Variants in LRP1B observed in about 807,000 individuals in gnomAD.
The protein encoded by LRP1B is low-density lipoprotein receptor-related protein 1B.
LRP1B carries 217 observed loss-of-function variants against 556.6 expected under a neutral mutation model. The ratio of observed to expected loss-of-function variants is 0.39; its 90% CI spans 0.35 to 0.44. The LOEUF (loss-of-function observed/expected upper bound fraction) is 0.44. LRP1B is among the 20% of genes least tolerant of loss of function. The pLI is 1.00. For missense variants in LRP1B, 5,053 were observed against 5,620.8 expected (o/e 0.90, Z 3.23); for synonymous variants, 2,047 against 1,865.8 (o/e 1.10, Z -2.50).
intron 20 of LRP1B, among the ~76,000 whole-genome samples, chr2:140,926,056 C>CTT (rs70991119): frequency 0.059 from 5,078 of 85,798 alleles, 127 homozygotes; most frequent in South Asian, 0.16. Flanking sequence ...TGGAGATTTT[C>CTT]TTTTTTTTTT....
chr2:140,306,388 G>A (rs1484466077), intron 83 of LRP1B, among the ~76,000 whole-genome samples: 2 of 151,424 alleles, frequency 1.3e-5, no homozygotes, highest in Non-Finnish European at 2.9e-5. Flanking sequence ...TTGGGAGGGT[G>A]TAAGTGTCCA....
At chr2:141,597,240 C>A (rs1441177057) in intron 2 of LRP1B, among the ~76,000 whole-genome samples, 1 of 151,960 alleles carries the variant, frequency 6.6e-6, no homozygotes, top group African/African-American at 2.4e-5. Flanking sequence ...TCTCTACTTT[C>A]TTGTTTCCAA....
chr2:141,326,362 A>T (rs908450693), intron 3 of LRP1B, among the ~76,000 whole-genome samples: 1 of 152,178 alleles, frequency 6.6e-6, no homozygotes, highest in Non-Finnish European at 1.5e-5. Context: ...GTATAAGTTA[A>T]CTCGATAAAG....
intron 2 of LRP1B, among the ~76,000 whole-genome samples, chr2:141,566,879 A>G (rs1686351988): frequency 6.6e-6 from 1 of 152,294 alleles, no homozygotes; most frequent in South Asian, 2.1e-4. Flanking sequence ...ATTAAAAATA[A>G]AACTAAAGTA....
At chr2:141,698,261 A>G (rs1691804345) in intron 2 of LRP1B, among the ~76,000 whole-genome samples, 1 of 151,846 alleles carries the variant, frequency 6.6e-6, no homozygotes, top group African/African-American at 2.4e-5. Flanking sequence ...GCAAGGCAAA[A>G]GAAAATCCTG....
At chr2:140,393,319 T>G (rs1684107153) in intron 66 of LRP1B, among the ~76,000 whole-genome samples, 1 of 151,490 alleles carries the variant, frequency 6.6e-6, no homozygotes, top group East Asian at 1.9e-4. Flanking sequence ...CTAAACAAAT[T>G]GAAATTATAT....
chr2:141,717,543 G>T (rs1692652412), intron 2 of LRP1B, among the ~76,000 whole-genome samples: 1 of 152,136 alleles, frequency 6.6e-6, no homozygotes, highest in Admixed American at 6.6e-5. Flanking sequence ...AACAGTTAAA[G>T]CTGATTCAAT....
At chr2:140,338,349 G>C (rs139850609) in intron 77 of LRP1B, among the ~76,000 whole-genome samples, 2,650 of 151,764 alleles carry the variant, frequency 0.017, 84 homozygotes, top group African/African-American at 0.061. Flanking sequence ...TAAACTAAAT[G>C]CTTATTTATT....
At position 141,020,115 on chromosome 2, in the gene LRP1B, C is replaced by T; in HGVS notation, c.1790-13G>A. Reference sequence around the variant, plus strand: ...ACATTATCCAGATCTATAAAAAAAGCAAAAACAAGAAAGAAATTGCTTTTA... The same window carrying T: ...ACATTATCCAGATCTATAAAAAAAGTAAAAACAAGAAAGAAATTGCTTTTA... On this transcript the variant is annotated splice_polypyrimidine_tract_variant and intron_variant, in intron 11 of 90. Transcript: ENST00000389484. The T allele has an allele frequency of 6.8e-7, 1 of 1,460,902 alleles. No homozygotes were observed. Among genetic ancestry groups the T allele is most frequent in the Non-Finnish European group, 9.1e-7 (1 of 1,098,090 alleles). The allele number at this position is 1,460,902 out of a possible 1,614,324, so 90.5% of individuals were successfully genotyped here. A position where few individuals can be genotyped will look rare whatever the true frequency, so the allele number is the denominator to read the frequency against.
chr2:140,540,813 G>GT lies in LRP1B; in HGVS notation c.7513+159_7513+160insA, dbSNP rs1226653114. 6.6e-5 allele frequency among the ~76,000 whole-genome samples: 10 copies of GT among 152,040 alleles called. No homozygotes were observed. The East Asian group carries it at 1.5e-3, about 23-fold the overall frequency. ...TAGCACATGGTCCTATAACTAAGCAGAACAGTGAACTCGGTTTTCTTTAGA... is the reference window on the plus strand; with the variant it reads ...TAGCACATGGTCCTATAACTAAGCAGTAACAGTGAACTCGGTTTTCTTTAGA... On this transcript the variant is annotated intron_variant, in intron 45 of 90. Coordinates refer to ENST00000389484, the MANE Select transcript of LRP1B (RefSeq NM_018557.3).
At chr2:141,002,974 G>T (rs2105370764) in intron 15 of LRP1B, among the ~76,000 whole-genome samples, 1 of 152,038 alleles carries the variant, frequency 6.6e-6, no homozygotes, top group South Asian at 2.1e-4. Flanking sequence ...TAGTAGAAAA[G>T]AAACCAAAGT....
chr2:140,716,157 T>G, intron 36 of LRP1B, 55 bp from the exon 37 acceptor site: 3 of 1,259,962 alleles, frequency 2.4e-6, no homozygotes, highest in Non-Finnish European at 3.3e-6. Flanking sequence ...AAAATGTATT[T>G]GTCATGACTA....
chr2:140,464,307 A>T (rs536652340), intron 60 of LRP1B, among the ~76,000 whole-genome samples: 1 of 152,124 alleles, frequency 6.6e-6, no homozygotes, highest in Non-Finnish European at 1.5e-5. Context: ...ATGGCCCATT[A>T]TTTTCTAGTA....
chr2:141,939,955 A>T (rs192115748), intron 1 of LRP1B, among the ~76,000 whole-genome samples: 6 of 152,270 alleles, frequency 3.9e-5, no homozygotes, highest in Non-Finnish European at 8.8e-5. Flanking sequence ...TCACTATGTC[A>T]CATTATATGC....
At chr2:140,596,169 C>T (rs1682431377) in intron 43 of LRP1B, among the ~76,000 whole-genome samples, 1 of 152,084 alleles carries the variant, frequency 6.6e-6, no homozygotes, top group Non-Finnish European at 1.5e-5. Context: ...GTTTTAGACA[C>T]AAAGTTATAA....
chr2:140,989,515 T>A lies in LRP1B; in HGVS notation c.2770+17A>T, dbSNP rs1197147352. 6.2e-7 allele frequency: 1 copy of A among 1,612,222 alleles called. No individual in the cohort carries two copies. The highest frequency in any genetic ancestry group is 1.7e-4 in the Middle Eastern group (1 of 6,040). On this transcript the variant is annotated intron_variant, in intron 17 of 90. Coordinates refer to ENST00000389484, the MANE Select transcript of LRP1B (RefSeq NM_018557.3). ...ACTTTGGAGGAGATTTACGTGTATA[T>A]CCAAGCAAACCTTTACCTGTGCAAG...
At chr2:141,139,903 T>C (rs1701599231) in intron 7 of LRP1B, among the ~76,000 whole-genome samples, 1 of 151,832 alleles carries the variant, frequency 6.6e-6, no homozygotes, top group Non-Finnish European at 1.5e-5. Flanking sequence ...CACAAATGAT[T>C]ATAGCATCTT....
chr2:140,236,983 C>A (rs1270255653), intron 89 of LRP1B, among the ~76,000 whole-genome samples: 2 of 150,846 alleles, frequency 1.3e-5, no homozygotes, highest in Non-Finnish European at 3.0e-5. Flanking sequence ...AAGTATTTAG[C>A]ATATCTATCA....
At chr2:140,546,297 C>A (rs2105033851) in intron 43 of LRP1B, among the ~76,000 whole-genome samples, 1 of 152,110 alleles carries the variant, frequency 6.6e-6, no homozygotes, top group African/African-American at 2.4e-5. Flanking sequence ...GATTGCTCTG[C>A]CCAGGACTTC....
Sources: gnomAD v4.1 joint callset for allele counts (sites outside exome capture counted in the v4.1 genomes callset) on GRCh38, gnomAD v4.1.1 for gene constraint, MANE v1.5 for transcripts, NCBI Gene and HGNC (gene_info 2026-07-23, HGNC 2026-07-21) for gene names.